KCNH1: variants seen among roughly 807,000 people sequenced by gnomAD.
KCNH1 encodes potassium voltage-gated channel subfamily H member 1, also known as voltage-gated delayed rectifier potassium channel KCNH1.
Under a neutral mutation model 69.2 loss-of-function variants are expected in KCNH1, and 27 were observed. The ratio of observed to expected loss-of-function variants is 0.39; its 90% confidence interval spans 0.29 to 0.54. KCNH1 has a LOEUF of 0.54. KCNH1 is among the 20% of genes least tolerant of loss of function. KCNH1 has a pLI of 0.68. For synonymous variants in KCNH1, 456 were observed against 487.7 expected, an observed-to-expected ratio of 0.93 and a Z score of 0.86; for missense variants, 798 against 1,261.6, an observed-to-expected ratio of 0.63 and a Z score of 5.57.
intron 6 of KCNH1, among the ~76,000 whole-genome samples, chr1:210,996,703 C>A (rs753707155): frequency 1.3e-5 from 2 of 152,224 alleles, no homozygotes; most frequent in African/African-American, 2.4e-5. Flanking sequence ...GGGTCCTTGA[C>A]CCCTGAGCAG....
rs527999388 is a variant in KCNH1 at position 210,915,073 on chromosome 1, C to G, written c.1462+4567G>C. ...CATCAAATTACCCCCAGAGAGCTCC[C>G]CCAAACAGGGTCAGGTCCCTAACCG... On this transcript the variant is annotated intron_variant, in intron 7 of 10. Coordinates refer to ENST00000271751, the MANE Select transcript of KCNH1 (RefSeq NM_172362.3). Among the ~76,000 whole-genome samples, 6 of 152,244 alleles carry G rather than the reference C, an allele frequency of 3.9e-5. No homozygotes were observed. The South Asian group carries it at 1.0e-3, about 26-fold the overall frequency.
In KCNH1 at chr1:210,683,978, C is replaced by A. The variant is rs746473001; in HGVS notation, c.2273G>T (p.Gly758Val). 4 of 1,600,202 alleles carry A rather than the reference C, an allele frequency of 2.5e-6. No homozygotes were observed. Among genetic ancestry groups the A allele is most frequent in the Admixed American group, 1.7e-5 (1 of 59,570 alleles). Residue 758 changes from glycine (G) to valine (V), a missense_variant, in exon 11 of 11, where the codon GGC becomes GTC. Gly to Val is a moderately radical substitution (Grantham distance 109, BLOSUM62 -3). Transcript: ENST00000271751. This position sits in a 1 kb window ranked among gnomAD's most constrained non-coding sequence, Gnocchi z 5.7. ...KEARLAAERG[G>V]RDLDDLDVEK... is the part of the protein sequence containing the mutation. The stretch of plus-strand genomic sequence containing the variant: ...CACATCTAGGTCATCCAGGTCCCGG[C>A]CCCCTCTCTCAGCTGCCAGCCTGGC...
At chr1:210,714,842 C>G (rs1012920398) in intron 10 of KCNH1, among the ~76,000 whole-genome samples, 2 of 152,224 alleles carry the variant, frequency 1.3e-5, no homozygotes, top group African/African-American at 4.8e-5. Flanking sequence ...ATCTTGTTGA[C>G]TTGATTTATG....
rs757209281 is a variant in KCNH1 at position 211,071,190 on chromosome 1, T to A, written c.558+11590A>T. The stretch of plus-strand genomic sequence containing the variant: ...TATCATCTGTTTCCAATATGAATAG[T>A]CTGTCTGAAATGGCAGGCAACCGCA... On this transcript the variant is annotated intron_variant, in intron 5 of 10. Coordinates refer to ENST00000271751, the MANE Select transcript of KCNH1 (RefSeq NM_172362.3). Among the ~76,000 whole-genome samples, 3 of 152,358 alleles carry A rather than the reference T, an allele frequency of 2.0e-5. No homozygotes were observed. In the South Asian group the frequency reaches 6.2e-4, roughly 32 times the overall value.
At chr1:210,759,250 T>C (rs1441575119) in intron 10 of KCNH1, among the ~76,000 whole-genome samples, 1 of 150,872 alleles carries the variant, frequency 6.6e-6, no homozygotes, top group Non-Finnish European at 1.5e-5. Flanking sequence ...AGCACTGCAA[T>C]AAAAAATCCA....
At chr1:210,869,817 C>A (rs932278430) in intron 7 of KCNH1, among the ~76,000 whole-genome samples, 1 of 152,098 alleles carries the variant, frequency 6.6e-6, no homozygotes. Flanking sequence ...CAAACTTCTA[C>A]CAGCCCTGTA....
At chr1:210,942,113 C>T (rs775649116) in intron 6 of KCNH1, among the ~76,000 whole-genome samples, 8 of 152,136 alleles carry the variant, frequency 5.3e-5, no homozygotes, top group Non-Finnish European at 8.8e-5. Flanking sequence ...ATATATAGTT[C>T]CAAAGTTTCT....
chr1:211,111,509 C>T (rs1051813551), intron 1 of KCNH1, among the ~76,000 whole-genome samples: 3 of 149,608 alleles, frequency 2.0e-5, no homozygotes, highest in Middle Eastern at 7.1e-3. Context: ...TCTCCTTGGC[C>T]GCCAAACTGC....
chr1:210,955,211 T>C (rs1445505992), intron 6 of KCNH1, among the ~76,000 whole-genome samples: 2 of 152,198 alleles, frequency 1.3e-5, no homozygotes, highest in East Asian at 3.8e-4. Context: ...CAGATGGTTA[T>C]AGATGTGTGG....
intron 6 of KCNH1, among the ~76,000 whole-genome samples, chr1:210,952,842 T>C (rs892725260): frequency 6.6e-6 from 1 of 152,228 alleles, no homozygotes; most frequent in African/African-American, 2.4e-5. Flanking sequence ...ATCATGAGAA[T>C]ATTATTGGTG....
intron 6 of KCNH1, among the ~76,000 whole-genome samples, chr1:210,938,069 T>C (rs1687805392): frequency 6.6e-6 from 1 of 152,236 alleles, no homozygotes; most frequent in Non-Finnish European, 1.5e-5. Flanking sequence ...CATTGGAATG[T>C]CCATGGGTTT....
At chr1:211,003,082 T>C (rs1011416046) in intron 6 of KCNH1, among the ~76,000 whole-genome samples, 2 of 151,944 alleles carry the variant, frequency 1.3e-5, no homozygotes, top group Non-Finnish European at 2.9e-5. Flanking sequence ...TAAAGGGTCA[T>C]GAAAGAAGAA....
intron 10 of KCNH1, among the ~76,000 whole-genome samples, chr1:210,755,065 G>A (rs369948680): frequency 2.6e-5 from 4 of 152,204 alleles, no homozygotes; most frequent in African/African-American, 7.2e-5. Flanking sequence ...GTGACAAAGG[G>A]GCAGCTGCTT....
intron 5 of KCNH1, among the ~76,000 whole-genome samples, chr1:211,029,528 A>G (rs1485449318): frequency 1.3e-5 from 2 of 151,918 alleles, no homozygotes; most frequent in Non-Finnish European, 2.9e-5. Flanking sequence ...CAGAGAAAAA[A>G]AATAGAAATA....
chr1:211,081,088 C>T (rs1022882521), intron 5 of KCNH1, among the ~76,000 whole-genome samples: 1 of 152,080 alleles, frequency 6.6e-6, no homozygotes, highest in African/African-American at 2.4e-5. Flanking sequence ...GGCTAATATC[C>T]AGAATCTACA....
At chr1:210,737,448 A>G (rs777950671) in intron 10 of KCNH1, among the ~76,000 whole-genome samples, 3 of 152,190 alleles carry the variant, frequency 2.0e-5, no homozygotes, top group Admixed American at 6.5e-5. Context: ...ATTAATATTT[A>G]TACTCTTTCT....
At chr1:210,848,208 G>A (rs940186077) in intron 7 of KCNH1, among the ~76,000 whole-genome samples, 5 of 152,118 alleles carry the variant, frequency 3.3e-5, no homozygotes, top group African/African-American at 1.2e-4. Flanking sequence ...AATAAATGTT[G>A]TCTGAATTAT....
Position 210,895,406 on chromosome 1 carries a change from A to AT in KCNH1, c.1462+24233dup, listed in dbSNP as rs1686844569. ...TCATAGATGTAGGCTACCTTTTTCCATTGCCTCAATTACAATGGGGATGGC... is the reference window on the plus strand; with the variant it reads ...TCATAGATGTAGGCTACCTTTTTCCATTTGCCTCAATTACAATGGGGATGGC... On this transcript the variant is annotated intron_variant, in intron 7 of 10. Transcript: ENST00000271751. 2.0e-5 allele frequency among the ~76,000 whole-genome samples: 3 copies of AT among 152,070 alleles called. No homozygotes were observed. In the South Asian group the frequency reaches 6.2e-4, roughly 32 times the overall value.
chr1:211,111,014 C>T (rs77246981), intron 1 of KCNH1, among the ~76,000 whole-genome samples: 2,789 of 152,090 alleles, frequency 0.018, 35 homozygotes, highest in Middle Eastern at 0.034. Flanking sequence ...ATTACAAGCT[C>T]TTCTGCTTGA....
Sources: gnomAD v4.1 joint callset for allele counts (sites outside exome capture counted in the v4.1 genomes callset) on GRCh38, gnomAD v4.1.1 for gene constraint, Gnocchi (gnomAD v3.1) non-coding constraint, MANE v1.5 for transcripts, NCBI Gene and HGNC (gene_info 2026-07-23, HGNC 2026-07-21) for gene names.